POU2F3: variants seen among roughly 807,000 people sequenced by gnomAD.
The protein encoded by POU2F3 is POU domain, class 2, transcription factor 3.
In POU2F3, 23 loss-of-function variants were observed where a neutral mutation model predicts 59.2. The observed-to-expected ratio is 0.39, with a 90% CI of 0.28 to 0.55. The LOEUF is 0.55. Among genes scored for constraint, POU2F3 ranks in the 20% least tolerant of loss-of-function variants. The probability of loss-of-function intolerance (pLI) is 0.66; values close to 1 mark genes in which losing one functional copy is unlikely to be tolerated. For synonymous variants in POU2F3, 190 were observed against 214.6 expected, an observed-to-expected ratio of 0.89 and a Z score of 1.00; for missense variants, 473 against 544.5, an observed-to-expected ratio of 0.87 and a Z score of 1.31.
chr11:120,316,125 C>T (rs562398201), intron 11 of POU2F3, among the ~76,000 whole-genome samples: 5 of 152,250 alleles, frequency 3.3e-5, no homozygotes, highest in Non-Finnish European at 5.9e-5. Context: ...CTGCCCGCCT[C>T]GGCCTCCCAA....
intron 2 of POU2F3, chr11:120,257,093 G>GTAAA (rs1018353553): frequency 6.6e-6 from 1 of 152,222 alleles, no homozygotes; most frequent in African/African-American, 2.4e-5. Context: ...TTGGTGCGTA[G>GTAAA]TAAATGCTCA....
At chr11:120,274,599 T>C (rs939061821) in intron 3 of POU2F3, among the ~76,000 whole-genome samples, 7 of 151,946 alleles carry the variant, frequency 4.6e-5, no homozygotes, top group African/African-American at 1.7e-4. Context: ...ATCCAGATGA[T>C]GGGAGGAGAA....
chr11:120,288,719 A>G lies in POU2F3; in HGVS notation c.133-9546A>G, dbSNP rs187322855. On this transcript the variant is annotated intron_variant, in intron 3 of 12. Transcript: ENST00000543440. ...GTGGGCCACACCCCTGGTGTTGCCTACTGCGAGACAGTGACACAAAATGTG... is the reference window on the plus strand; with the variant it reads ...GTGGGCCACACCCCTGGTGTTGCCTGCTGCGAGACAGTGACACAAAATGTG... Among the ~76,000 whole-genome samples the G allele has an allele frequency of 1.5e-3, 219 of 145,644 alleles. 3 individuals carry two copies. The highest frequency in any genetic ancestry group is 5.3e-3 in the African/African-American group (214 of 40,256).
chr11:120,288,589 T>C (rs1940903269), intron 3 of POU2F3, among the ~76,000 whole-genome samples: 2 of 152,188 alleles, frequency 1.3e-5, no homozygotes, highest in Non-Finnish European at 2.9e-5. Flanking sequence ...GGAATAACAT[T>C]ATCTACCTTT....
chr11:120,291,313 C>A (rs1941011036), intron 3 of POU2F3, among the ~76,000 whole-genome samples: 1 of 152,194 alleles, frequency 6.6e-6, no homozygotes, highest in South Asian at 2.1e-4. Context: ...GAACTGGACA[C>A]TGGATAGGGA....
chr11:120,302,057 A>C (rs1007173382), intron 5 of POU2F3: 1 of 501,574 alleles, frequency 2.0e-6, no homozygotes, highest in African/African-American at 2.0e-5. Context: ...TGGTTTGGGG[A>C]CTGCTGTTTA....
intron 2 of POU2F3, among the ~76,000 whole-genome samples, chr11:120,268,177 A>G (rs1230312459): frequency 1.3e-5 from 2 of 152,144 alleles, no homozygotes; most frequent in Non-Finnish European, 2.9e-5. Context: ...AGTGGGATAG[A>G]AGTCTATACA....
At chr11:120,254,381 G>A (rs1939246312) in intron 2 of POU2F3, among the ~76,000 whole-genome samples, 1 of 152,178 alleles carries the variant, frequency 6.6e-6, no homozygotes, top group Non-Finnish European at 1.5e-5. Context: ...TTTTCTGGTC[G>A]AGGTTGCTCT....
intron 3 of POU2F3, among the ~76,000 whole-genome samples, chr11:120,271,875 C>T (rs371103099): frequency 2.0e-5 from 3 of 152,162 alleles, no homozygotes; most frequent in East Asian, 3.9e-4. Flanking sequence ...AGAACAGACA[C>T]GACAGATCTT....
At chr11:120,317,698 G>T (rs1365967120) in intron 12 of POU2F3, among the ~76,000 whole-genome samples, 1 of 143,722 alleles carries the variant, frequency 7.0e-6, no homozygotes, top group African/African-American at 2.5e-5. Context: ...CAGTTCTCAG[G>T]AGGTTCTGAT....
At chr11:120,316,120 C>T (rs531946762) in intron 11 of POU2F3, among the ~76,000 whole-genome samples, 25 of 152,008 alleles carry the variant, frequency 1.6e-4, no homozygotes, top group African/African-American at 5.5e-4. Context: ...GTGATCTGCC[C>T]GCCTCGGCCT....
At chr11:120,289,038 CTCTAA>C (rs1368455365) in intron 3 of POU2F3, among the ~76,000 whole-genome samples, 1 of 152,278 alleles carries the variant, frequency 6.6e-6, no homozygotes, top group Non-Finnish European at 1.5e-5. Context: ...TCTTAATCTT[CTCTAA>C]TCTAACACTA....
At chr11:120,276,207 A>G (rs1940315809) in intron 3 of POU2F3, among the ~76,000 whole-genome samples, 1 of 152,134 alleles carries the variant, frequency 6.6e-6, no homozygotes, top group South Asian at 2.1e-4. Flanking sequence ...AAGGGAGGGA[A>G]TGAATAGGCC....
intron 2 of POU2F3, among the ~76,000 whole-genome samples, chr11:120,267,465 C>T (rs901648017): frequency 6.6e-6 from 1 of 152,090 alleles, no homozygotes; most frequent in African/African-American, 2.4e-5. Context: ...AGGCTTTGCT[C>T]AGAGATCATT....
rs1941847542 is a variant in POU2F3, at chr11:120,318,603, T to C, written c.*211T>C. ...GTGCAGACTCCTAATGCTCTTGAAA[T>C]ACACAGCCCCTCCTAGGAGCTTACC... On this transcript the variant is annotated 3_prime_UTR_variant, in exon 13 of 13. Transcript: ENST00000543440. 1 of 550,028 alleles carries C rather than the reference T, an allele frequency of 1.8e-6. No homozygotes were observed. Among genetic ancestry groups the C allele is most frequent in the Admixed American group, 3.4e-5 (1 of 29,164 alleles). The allele number at this position is 550,028 out of a possible 1,614,324, so 34.1% of individuals were successfully genotyped here.
At chr11:120,261,712 G>A (rs938942315) in intron 2 of POU2F3, among the ~76,000 whole-genome samples, 2 of 152,186 alleles carry the variant, frequency 1.3e-5, no homozygotes, top group Non-Finnish European at 2.9e-5. Context: ...TCTCTTTGCA[G>A]ATGCTGTAGA....
chr11:120,291,247 A>T (rs188567442), intron 3 of POU2F3, among the ~76,000 whole-genome samples: 23 of 152,370 alleles, frequency 1.5e-4, no homozygotes, highest in African/African-American at 4.6e-4. Context: ...CAGAGTAGGC[A>T]ACAATTTCAG....
At chr11:120,296,866 A>G (rs1399029714) in intron 3 of POU2F3, among the ~76,000 whole-genome samples, 1 of 152,160 alleles carries the variant, frequency 6.6e-6, no homozygotes, top group Non-Finnish European at 1.5e-5. Context: ...ACCCGTGCAT[A>G]TGTCTTTATA....
chr11:120,242,528 C>T (rs1418817869), intron 1 of POU2F3, among the ~76,000 whole-genome samples: 2 of 152,178 alleles, frequency 1.3e-5, no homozygotes, highest in African/African-American at 4.8e-5. Flanking sequence ...TAGTACTTCT[C>T]CTGTGAATTC....
Sources: allele counts gnomAD v4.1 joint callset (sites outside exome capture counted in the v4.1 genomes callset), GRCh38; gene constraint gnomAD v4.1.1; transcripts MANE v1.5; gene names NCBI Gene and HGNC (gene_info 2026-07-23, HGNC 2026-07-21).